The following NUGGC variants were observed in gnomAD, a reference collection of about 807,000 sequenced individuals.
The protein encoded by NUGGC is nuclear GTPase, germinal center associated, also known as nuclear GTPase SLIP-GC.
In NUGGC, 58 loss-of-function variants were observed where a neutral mutation model predicts 92.6. The observed-to-expected ratio is 0.63, with a 90% CI of 0.51 to 0.78. The LOEUF (loss-of-function observed/expected upper bound fraction) is 0.78. Among genes scored for constraint, NUGGC ranks in the 30% least tolerant of loss-of-function variants. The pLI is 0.00. For synonymous variants in NUGGC, 376 were observed against 366.4 expected (o/e 1.03, Z -0.30); for missense variants, 925 against 964.6 (o/e 0.96, Z 0.54).
intron 11 of NUGGC, among the ~76,000 whole-genome samples, chr8:28,046,618 A>T (rs1359503799): frequency 6.6e-6 from 1 of 151,914 alleles, no homozygotes; most frequent in Non-Finnish European, 1.5e-5. Flanking sequence ...TACAATAGTC[A>T]CTCAGGAAAC....
chr8:28,041,370 GCA>G lies in NUGGC; in HGVS notation c.1447-157_1447-156del, dbSNP rs1044708621. On this transcript the variant is annotated intron_variant, in intron 12 of 18. Coordinates refer to ENST00000413272, the MANE Select transcript of NUGGC (RefSeq NM_001010906.2). ...TTGTCCCCATAAGACCTCACTCAGT[GCA>G]CAGACCCCTTTAGGCTTTGTGGGGT... Among the ~76,000 whole-genome samples, 49 of 152,304 alleles carry G rather than the reference GCA, an allele frequency of 3.2e-4. 1 individual carries two copies. The highest frequency in any genetic ancestry group is 1.1e-3 in the African/African-American group (47 of 41,582).
chr8:28,047,430 T>C, intron 11 of NUGGC, 77 bp downstream of exon 11: 2 of 917,606 alleles, frequency 2.2e-6, no homozygotes, highest in Non-Finnish European at 1.7e-6. Flanking sequence ...GCACAAAAAG[T>C]TCTAGAGCAG....
chr8:28,023,554 C>A, intron 18 of NUGGC, 92 bp from the exon 19 acceptor site: 1 of 1,285,106 alleles, frequency 7.8e-7, no homozygotes. Flanking sequence ...TGTCACTTGT[C>A]CCAGAATATG....
rs1282719391 is a variant in NUGGC, at chr8:28,033,593, G to C, written c.1716C>G (p.Ala572=). 6.2e-7 allele frequency: 1 copy of C among 1,613,912 alleles called. No individual in the cohort carries two copies. Residue 572 remains alanine, a synonymous_variant, in exon 14 of 19, where the codon GCC becomes GCG. Transcript: ENST00000413272. ...RTLARIDLNE[A]LTQPVYDQID... The stretch of plus-strand genomic sequence containing the variant: ...TCTGGTCATAGACGGGCTGAGTGAG[G>C]GCTTCATTTAGATCAATTCTCGCCA...
chr8:28,048,524 C>T (rs1159165353), intron 10 of NUGGC, among the ~76,000 whole-genome samples: 2 of 152,138 alleles, frequency 1.3e-5, no homozygotes, highest in Non-Finnish European at 2.9e-5. Context: ...GTGACAGTTT[C>T]TTAAGTAGTT....
intron 13 of NUGGC, among the ~76,000 whole-genome samples, chr8:28,039,033 C>T (rs1273556500): frequency 6.6e-6 from 1 of 152,142 alleles, no homozygotes; most frequent in African/African-American, 2.4e-5. Flanking sequence ...ACTTGGCTAC[C>T]CACGCCCAAC....
chr8:28,062,681 G>T (rs984540967), intron 7 of NUGGC, among the ~76,000 whole-genome samples: 6 of 152,194 alleles, frequency 3.9e-5, no homozygotes, highest in African/African-American at 1.4e-4. Flanking sequence ...GGCAGAGAAT[G>T]GTCCAGCCAG....
intron 14 of NUGGC, among the ~76,000 whole-genome samples, chr8:28,031,960 A>G (rs1384891663): frequency 1.3e-5 from 2 of 152,206 alleles, no homozygotes; most frequent in African/African-American, 4.8e-5. Flanking sequence ...GTTTGTTCAG[A>G]TGTAAAAAGA....
At chr8:28,049,605 G>T (rs755294607) in intron 10 of NUGGC, among the ~76,000 whole-genome samples, 1 of 152,218 alleles carries the variant, frequency 6.6e-6, no homozygotes, top group Non-Finnish European at 1.5e-5. Context: ...TTGTAAAAGA[G>T]AAGTAGAAAC....
rs1296420249 is a variant in NUGGC, at chr8:28,047,497, C to T, written c.1312+10G>A. The T allele has an allele frequency of 1.0e-5, 15 of 1,501,162 alleles. No homozygotes were observed. The highest frequency in any genetic ancestry group is 1.3e-5 in the Non-Finnish European group (14 of 1,104,298). The allele number at this position is 1,501,162 out of a possible 1,614,324, so 93.0% of individuals were successfully genotyped here. On this transcript the variant is annotated intron_variant, in intron 11 of 18. Coordinates refer to ENST00000413272, the MANE Select transcript of NUGGC (RefSeq NM_001010906.2). Reference sequence around the variant, plus strand: ...ATTTTAGTGATGGAGATTTAAAAAACATAAATTACCCGTTTCCTCCTCGGT... The same window carrying T: ...ATTTTAGTGATGGAGATTTAAAAAATATAAATTACCCGTTTCCTCCTCGGT...
At chr8:28,059,763 T>C (rs1355090448) in intron 8 of NUGGC, among the ~76,000 whole-genome samples, 1 of 152,188 alleles carries the variant, frequency 6.6e-6, no homozygotes, top group African/African-American at 2.4e-5. Context: ...GGCTCACACC[T>C]GTAATCCCAG....
intron 10 of NUGGC, among the ~76,000 whole-genome samples, chr8:28,055,409 T>A (rs1164707301): frequency 6.6e-6 from 1 of 152,136 alleles, no homozygotes; most frequent in Admixed American, 6.5e-5. Flanking sequence ...GAGCCCAGAC[T>A]CACCTGGGCC....
chr8:28,048,642 T>A (rs947202786), intron 10 of NUGGC, among the ~76,000 whole-genome samples: 1 of 152,126 alleles, frequency 6.6e-6, no homozygotes, highest in African/African-American at 2.4e-5. Flanking sequence ...GGCAGGCGGA[T>A]CACAAGGTCA....
At position 28,033,572 on chromosome 8, in the gene NUGGC, G is replaced by A; in HGVS notation, c.1737C>T (p.Asp579=). Residue 579 remains aspartate, a synonymous_variant, in exon 14 of 19, where the codon GAC becomes GAT. Coordinates refer to ENST00000413272, the MANE Select transcript of NUGGC (RefSeq NM_001010906.2). ...LNEALTQPVY[D]QIDPVFGSIF... ...TGCTTCCAAAAACAGGGTCGATCTGGTCATAGACGGGCTGAGTGAGGGCTT... is the reference window on the plus strand; with the variant it reads ...TGCTTCCAAAAACAGGGTCGATCTGATCATAGACGGGCTGAGTGAGGGCTT... 1 of 1,613,984 alleles carries A rather than the reference G, an allele frequency of 6.2e-7. No homozygotes were observed. Among genetic ancestry groups the A allele is most frequent in the Admixed American group, 1.7e-5 (1 of 60,028 alleles).
At chr8:28,026,762 TTCATCATCATCATCA>T (rs35745694) in intron 18 of NUGGC, among the ~76,000 whole-genome samples, 185 bp downstream of exon 18, 8 of 150,642 alleles carry the variant, frequency 5.3e-5, no homozygotes, top group African/African-American at 9.8e-5. Flanking sequence ...GGCTGTTGTT[TTCATCATCATCATCA>T]TCATCATCAT....
intron 13 of NUGGC, 102 bp from the exon 14 acceptor site, chr8:28,033,799 G>T: frequency 1.0e-6 from 1 of 991,298 alleles, no homozygotes; most frequent in Non-Finnish European, 1.6e-6. Context: ...AGAATCACAG[G>T]AAAGTGTAGA....
intron 17 of NUGGC, among the ~76,000 whole-genome samples, chr8:28,028,234 TG>T (rs1376293164): frequency 6.6e-6 from 1 of 152,202 alleles, no homozygotes; most frequent in Non-Finnish European, 1.5e-5. Flanking sequence ...AATGGGGAAA[TG>T]GGAACTGGCT....
intron 12 of NUGGC, 102 bp from the exon 13 acceptor site, chr8:28,041,317 C>T: frequency 8.5e-7 from 1 of 1,181,264 alleles, no homozygotes; most frequent in Non-Finnish European, 1.2e-6. Flanking sequence ...CAAGATTCAG[C>T]TTATCACTCA....
At chr8:28,028,094 C>T (rs953916515) in intron 17 of NUGGC, among the ~76,000 whole-genome samples, 1 of 151,514 alleles carries the variant, frequency 6.6e-6, no homozygotes, top group Non-Finnish European at 1.5e-5. Flanking sequence ...AATGGGAACA[C>T]TCTATGGTCT....
Sources: gnomAD v4.1 joint callset for allele counts (sites outside exome capture counted in the v4.1 genomes callset) on GRCh38, gnomAD v4.1.1 for gene constraint, MANE v1.5 for transcripts, NCBI Gene and HGNC (gene_info 2026-07-23, HGNC 2026-07-21) for gene names.